Variants in DOCK8 observed in about 807,000 individuals in gnomAD.
DOCK8 encodes the protein dedicator of cytokinesis protein 8.
A neutral mutation model predicts 245.6 loss-of-function variants in DOCK8; 141 were observed. The observed-to-expected ratio is 0.57, with a 90% CI of 0.50 to 0.66. The LOEUF is 0.66. Among genes scored for constraint, DOCK8 ranks in the 30% least tolerant of loss-of-function variants. The probability of loss-of-function intolerance (pLI) is 0.00; values close to 1 mark genes in which losing one functional copy is unlikely to be tolerated. For missense variants in DOCK8, 2,965 were observed against 2,603.4 expected (o/e 1.14, Z -3.02); for synonymous variants, 1,168 against 970.2 (o/e 1.20, Z -3.79).
At chr9:329,417 G>T (rs1013186074) in intron 9 of DOCK8, among the ~76,000 whole-genome samples, 1 of 152,048 alleles carries the variant, frequency 6.6e-6, no homozygotes, top group Non-Finnish European at 1.5e-5. Context: ...TAGCTTTGAG[G>T]TCACTTAACA....
At chr9:306,593 C>T (rs2049839942) in intron 5 of DOCK8, among the ~76,000 whole-genome samples, 1 of 152,128 alleles carries the variant, frequency 6.6e-6, no homozygotes, top group Non-Finnish European at 1.5e-5. Flanking sequence ...AACAGCACAC[C>T]AGCCTGGGGC....
chr9:357,630 G>A lies in DOCK8; in HGVS notation c.1680-10388G>A, dbSNP rs74344122. 5.2e-3 allele frequency among the ~76,000 whole-genome samples: 786 copies of A among 152,164 alleles called. 3 individuals carry two copies. The highest frequency in any genetic ancestry group is 0.017 in the Middle Eastern group (5 of 294). On this transcript the variant is annotated intron_variant, in intron 14 of 47. Transcript: ENST00000432829. The stretch of plus-strand genomic sequence containing the variant: ...CTTAACTGCATTTGCTGTTTGTGAG[G>A]GGTGTAGAGGTCCCTGATGTTCAGA...
intron 22 of DOCK8, 147 bp from the exon 23 acceptor site, chr9:386,184 T>G: frequency 1.5e-6 from 1 of 683,792 alleles, no homozygotes. Context: ...TTGCTTTGTT[T>G]TATATTTACT....
At chr9:243,994 C>T (rs965389306) in intron 1 of DOCK8, among the ~76,000 whole-genome samples, 1 of 151,914 alleles carries the variant, frequency 6.6e-6, no homozygotes, top group Non-Finnish European at 1.5e-5. Flanking sequence ...ACCATCCTGG[C>T]TAACATGGTG....
intron 14 of DOCK8, among the ~76,000 whole-genome samples, chr9:342,769 G>T (rs1346125655): frequency 6.6e-6 from 1 of 152,038 alleles, no homozygotes; most frequent in Non-Finnish European, 1.5e-5. Context: ...TGCCCATCCT[G>T]TTATTCCTTT....
chr9:355,905 G>T (rs2052421474), intron 14 of DOCK8, among the ~76,000 whole-genome samples: 1 of 152,184 alleles, frequency 6.6e-6, no homozygotes. Flanking sequence ...GAGATTTGCA[G>T]GCTGTCTGAA....
intron 4 of DOCK8, among the ~76,000 whole-genome samples, chr9:298,279 G>C (rs1200241983): frequency 2.0e-5 from 3 of 152,124 alleles, no homozygotes; most frequent in African/African-American, 2.4e-5. Flanking sequence ...ACAAAAATTA[G>C]CTGGGTACGG....
At chr9:262,422 A>G (rs981159233) in intron 1 of DOCK8, among the ~76,000 whole-genome samples, 19 of 147,828 alleles carry the variant, frequency 1.3e-4, no homozygotes, top group African/African-American at 4.2e-4. Flanking sequence ...AAACAACTCA[A>G]ATGTCCATAG....
At chr9:234,087 G>T (rs2047189069) in intron 1 of DOCK8, among the ~76,000 whole-genome samples, 1 of 152,198 alleles carries the variant, frequency 6.6e-6, no homozygotes, top group South Asian at 2.1e-4. Context: ...TGTAGGGCAG[G>T]CCTGGTGGTG....
At chr9:388,404 C>A (rs2054043758) in intron 23 of DOCK8, among the ~76,000 whole-genome samples, 1 of 152,218 alleles carries the variant, frequency 6.6e-6, no homozygotes, top group South Asian at 2.1e-4. Flanking sequence ...TCACCACTAA[C>A]CCGCCTGGGA....
chr9:371,687 C>A, intron 17 of DOCK8, 121 bp downstream of exon 17: 1 of 1,347,730 alleles, frequency 7.4e-7, no homozygotes, highest in Non-Finnish European at 1.0e-6. Context: ...GCAAAACATG[C>A]TAAGCCACAT....
At chr9:353,625 G>T (rs1353520186) in intron 14 of DOCK8, among the ~76,000 whole-genome samples, 1 of 152,136 alleles carries the variant, frequency 6.6e-6, no homozygotes, top group African/African-American at 2.4e-5. Context: ...AAAGGAACAT[G>T]CAGGTTGGTT....
chr9:292,678 G>A (rs982587781), intron 4 of DOCK8, among the ~76,000 whole-genome samples: 1 of 151,454 alleles, frequency 6.6e-6, no homozygotes, highest in African/African-American at 2.4e-5. Context: ...ATTAAGCCTT[G>A]TCTACCATGT....
intron 26 of DOCK8, among the ~76,000 whole-genome samples, chr9:399,996 C>CACCACCA (rs2054679975): frequency 2.2e-5 from 2 of 91,538 alleles, no homozygotes; most frequent in Non-Finnish European, 4.5e-5. Flanking sequence ...CTCCCACCAC[C>CACCACCA]TCCACCACCT....
chr9:345,835 G>T lies in DOCK8; in HGVS notation c.1679+5514G>T, dbSNP rs565032029. The stretch of plus-strand genomic sequence containing the variant: ...TGCCCCGTGTCTCTACCTTATTCAA[G>T]TTTCTTTAAGGAACAGCTGTAGATG... On this transcript the variant is annotated intron_variant, in intron 14 of 47. Transcript: ENST00000432829. Among the ~76,000 whole-genome samples, 230 of 152,240 alleles carry T rather than the reference G, an allele frequency of 1.5e-3. 1 individual carries two copies. Among genetic ancestry groups the T allele is most frequent in the African/African-American group, 5.5e-3 (228 of 41,532 alleles).
At chr9:272,226 T>G (rs772110867) in intron 2 of DOCK8, among the ~76,000 whole-genome samples, 2 of 152,132 alleles carry the variant, frequency 1.3e-5, no homozygotes, top group Non-Finnish European at 2.9e-5. Context: ...CTTTCCTCAG[T>G]CAAGATATAG....
chr9:381,489 C>G (rs936623624), intron 21 of DOCK8: 2 of 152,232 alleles, frequency 1.3e-5, no homozygotes, highest in African/African-American at 2.4e-5. Context: ...ATTTCCCCAA[C>G]TCTTCTTAAT....
intron 40 of DOCK8, 52 bp downstream of exon 40, chr9:439,440 C>G (rs892311571): frequency 3.7e-6 from 6 of 1,605,056 alleles, no homozygotes; most frequent in Non-Finnish European, 5.1e-6. Flanking sequence ...TCCAGCTGGA[C>G]TTGGGGTGCT....
chr9:221,902 A>G (rs1482490431), intron 1 of DOCK8, among the ~76,000 whole-genome samples: 2 of 151,938 alleles, frequency 1.3e-5, no homozygotes, highest in Non-Finnish European at 2.9e-5. Context: ...GCTGTATAAA[A>G]TCCTGTTGAT....
Sources: allele counts gnomAD v4.1 joint callset (sites outside exome capture counted in the v4.1 genomes callset), GRCh38; gene constraint gnomAD v4.1.1; transcripts MANE v1.5; gene names NCBI Gene and HGNC (gene_info 2026-07-23, HGNC 2026-07-21).